ZNF79: variants seen among roughly 807,000 people sequenced by gnomAD.
The protein encoded by ZNF79 is zinc finger protein 79.
A neutral mutation model predicts 14.9 loss-of-function variants in ZNF79; 13 were observed. That is an observed-to-expected ratio of 0.87 (90% CI 0.57 to 1.38). The LOEUF (loss-of-function observed/expected upper bound fraction) is 1.38. Ranked by LOEUF, ZNF79 falls within the 40% of genes most tolerant of loss-of-function variation. The pLI is 0.00. For missense variants in ZNF79, 631 were observed against 630.6 expected, an observed-to-expected ratio of 1.00 and a Z score of -0.01; for synonymous variants, 223 against 235.1, an observed-to-expected ratio of 0.95 and a Z score of 0.47.
rs754014638 is a variant in ZNF79 at position 127,445,185 on chromosome 9, C to T, written c.1485C>T (p.His495=). 62 of 1,613,778 alleles carry T rather than the reference C, an allele frequency of 3.8e-5. No individual in the cohort carries two copies. The highest frequency in any genetic ancestry group is 1.6e-4 in the African/African-American group (12 of 74,922). Residue 495 remains histidine (H), a synonymous_variant, in exon 5 of 5, where the codon CAC becomes CAT. Coordinates refer to ENST00000342483, the MANE Select transcript of ZNF79 (RefSeq NM_007135.3). ...CCTTCGTTAGACATCAGAGACTCCACGCCGGAGAGTAACTAGGAACATGGT... is the reference window on the plus strand; with the variant it reads ...CCTTCGTTAGACATCAGAGACTCCATGCCGGAGAGTAACTAGGAACATGGT... ...SSAFVRHQRL[H]AGE
chr9:127,424,741 T>C lies in ZNF79; in HGVS notation c.-47T>C. ...GTGGGGGCTGCTGTAGATAGACCCT[T>C]ACGCCCAGAGAACTGCTGGGAGGCT... On this transcript the variant is annotated 5_prime_UTR_variant, in exon 1 of 5. Transcript: ENST00000342483. 1 of 1,613,156 alleles carries C rather than the reference T, an allele frequency of 6.2e-7. No homozygotes were observed. Among genetic ancestry groups the C allele is most frequent in the Non-Finnish European group, 8.5e-7 (1 of 1,179,862 alleles).
intron 1 of ZNF79, chr9:127,428,519 C>A: frequency 3.7e-6 from 1 of 273,756 alleles, no homozygotes; most frequent in Non-Finnish European, 5.9e-6. Flanking sequence ...AGCAGATTAT[C>A]CCTTACAAGG....
At chr9:127,426,715 G>A (rs1833762422) in intron 1 of ZNF79, among the ~76,000 whole-genome samples, 1 of 152,084 alleles carries the variant, frequency 6.6e-6, no homozygotes, top group Admixed American at 6.6e-5. Context: ...CCTTTTTGTG[G>A]TAGAATGATA....
intron 2 of ZNF79, among the ~76,000 whole-genome samples, chr9:127,430,426 C>T (rs1197236549): frequency 6.6e-6 from 1 of 152,148 alleles, no homozygotes; most frequent in East Asian, 1.9e-4. Context: ...TTTCCTCTCT[C>T]CTCCCTCTAG....
chr9:127,444,501 C>G lies in ZNF79; in HGVS notation c.801C>G (p.His267Gln), dbSNP rs1381369840. 6.2e-7 allele frequency: 1 copy of G among 1,610,848 alleles called. No individual in the cohort carries two copies. The highest frequency in any genetic ancestry group is 8.5e-7 in the Non-Finnish European group (1 of 1,177,338). The change falls in exon 5 of 5, where the codon CAC becomes CAG. Residue 267 changes from histidine (H) to glutamine (Q), a missense_variant. By Grantham distance (24) the His-to-Gln change is conservative. Coordinates refer to ENST00000342483, the MANE Select transcript of ZNF79 (RefSeq NM_007135.3). ...AFSQNANLTK[H>Q]QRTHTGEKPY... Reference sequence around the variant, plus strand: ...GCCAGAACGCCAACCTCACCAAACACCAGCGAACCCACACCGGAGAGAAGC... The same window carrying G: ...GCCAGAACGCCAACCTCACCAAACAGCAGCGAACCCACACCGGAGAGAAGC...
At chr9:127,431,095 C>T (rs945934448) in intron 2 of ZNF79, among the ~76,000 whole-genome samples, 15 of 152,030 alleles carry the variant, frequency 9.9e-5, no homozygotes, top group African/African-American at 2.9e-4. Context: ...TGTGTCTGCT[C>T]ATGTCTTTTG....
Position 127,435,162 on chromosome 9 carries a change from C to G in ZNF79, c.178C>G (p.Arg60Gly), listed in dbSNP as rs137885170. The change falls in exon 3 of 5, where the codon CGG becomes GGG. Residue 60 changes from arginine to glycine, a missense_variant. Transcript: ENST00000342483. Reference sequence around the variant, plus strand: ...GTGGAGGTGCCTCGTGTCTACTCCACGGGACAGGTTCAAGGAGGGGATACC... The same window carrying G: ...GTGGAGGTGCCTCGTGTCTACTCCAGGGGACAGGTTCAAGGAGGGGATACC... Reference protein sequence around the residue: ...ERWRCLVSTPRDRFKEGIPGK... With the variant: ...ERWRCLVSTPGDRFKEGIPGK... 6.2e-7 allele frequency: 1 copy of G among 1,613,036 alleles called. No homozygotes were observed. The highest frequency in any genetic ancestry group is 8.5e-7 in the Non-Finnish European group (1 of 1,179,528).
chr9:127,444,179 A>C lies in ZNF79; in HGVS notation c.479A>C (p.Gln160Pro), dbSNP rs1287985828. ...SFNLRPVLSPQQRVPVEARPR... is the reference protein window; with the variant it reads ...SFNLRPVLSPPQRVPVEARPR... Reference sequence around the variant, plus strand: ...AATCTGAGACCAGTCCTCTCTCCGCAACAGAGAGTGCCCGTGGAAGCGAGA... The same window carrying C: ...AATCTGAGACCAGTCCTCTCTCCGCCACAGAGAGTGCCCGTGGAAGCGAGA... The change falls in exon 5 of 5, where the codon CAA (glutamine) becomes CCA (proline). Residue 160 changes from glutamine (Q) to proline (P), a missense_variant. Transcript: ENST00000342483. 1.9e-6 allele frequency: 3 copies of C among 1,614,082 alleles called. No homozygotes were observed. The highest frequency in any genetic ancestry group is 1.1e-5 in the South Asian group (1 of 91,086).
chr9:127,442,829 T>C (rs944750402), intron 4 of ZNF79, among the ~76,000 whole-genome samples: 4 of 152,076 alleles, frequency 2.6e-5, no homozygotes, highest in Admixed American at 2.6e-4. Flanking sequence ...GCCACCATGC[T>C]TCAGCCTGGG....
chr9:127,443,197 T>C (rs1228772758), intron 4 of ZNF79, among the ~76,000 whole-genome samples: 3 of 152,156 alleles, frequency 2.0e-5, no homozygotes, highest in Admixed American at 2.0e-4. Context: ...CCCCAGCACT[T>C]TGGGAGGCTG....
intron 4 of ZNF79, among the ~76,000 whole-genome samples, chr9:127,437,537 C>T (rs1833972624): frequency 6.6e-6 from 1 of 151,642 alleles, no homozygotes; most frequent in Non-Finnish European, 1.5e-5. Context: ...TTGGGGCTCT[C>T]ATAAGAAATA....
rs373566732 is a variant in ZNF79, at chr9:127,424,881, G to A, written c.16+78G>A. The A allele has an allele frequency of 3.1e-5, 49 of 1,600,202 alleles. No individual in the cohort carries two copies. In the African/African-American group the frequency reaches 6.4e-4, roughly 21 times the overall value. ...GCCCACGACTGCCGCTGTGTGAGCC[G>A]AATCAGAACTCTCTTTATCTCTCCT... On this transcript the variant is annotated intron_variant, in intron 1 of 4. Coordinates refer to ENST00000342483, the MANE Select transcript of ZNF79 (RefSeq NM_007135.3).
intron 2 of ZNF79, among the ~76,000 whole-genome samples, chr9:127,430,705 C>G (rs1238775285): frequency 6.6e-6 from 1 of 152,190 alleles, no homozygotes; most frequent in Non-Finnish European, 1.5e-5. Flanking sequence ...GACTGCATGT[C>G]TTGGCTGTTG....
chr9:127,433,271 T>C (rs1485981208), intron 2 of ZNF79, among the ~76,000 whole-genome samples: 1 of 152,074 alleles, frequency 6.6e-6, no homozygotes, highest in East Asian at 1.9e-4. Context: ...CTCATGATAT[T>C]AGGAGGAAGA....
At chr9:127,425,177 A>G (rs1378390988) in intron 1 of ZNF79, among the ~76,000 whole-genome samples, 1 of 152,112 alleles carries the variant, frequency 6.6e-6, no homozygotes, top group Non-Finnish European at 1.5e-5. Context: ...AGCAGCCAGG[A>G]ATGCCTGGAA....
chr9:127,432,256 T>G (rs1045925820), intron 2 of ZNF79, among the ~76,000 whole-genome samples: 7 of 151,730 alleles, frequency 4.6e-5, no homozygotes, highest in Non-Finnish European at 1.0e-4. Flanking sequence ...CATGCCATTC[T>G]GCTGCCTCAG....
intron 2 of ZNF79, among the ~76,000 whole-genome samples, chr9:127,431,346 C>T (rs1344280235): frequency 1.3e-5 from 2 of 151,790 alleles, no homozygotes; most frequent in African/African-American, 4.8e-5. Flanking sequence ...AGCCTCCACC[C>T]CCCCAATGCT....
intron 4 of ZNF79, among the ~76,000 whole-genome samples, chr9:127,439,109 C>CTCAAAAAAAAAAAAAAAA (rs1834001684): frequency 2.7e-5 from 1 of 37,224 alleles, no homozygotes; most frequent in South Asian, 5.9e-4. Flanking sequence ...GAGACTCTGT[C>CTCAAAAAAAAAAAAAAAA]ACAAAAAAAA....
intron 4 of ZNF79, 39 bp downstream of exon 4, chr9:127,436,042 G>C (rs766381546): frequency 9.5e-6 from 15 of 1,575,678 alleles, no homozygotes; most frequent in Middle Eastern, 3.3e-4. Context: ...AGTCTTGGGA[G>C]CAAAAGCGCC....
Sources: allele counts gnomAD v4.1 joint callset (sites outside exome capture counted in the v4.1 genomes callset), GRCh38; gene constraint gnomAD v4.1.1; transcripts MANE v1.5; gene names NCBI Gene and HGNC (gene_info 2026-07-23, HGNC 2026-07-21).